SCN11A: variants seen among roughly 807,000 people sequenced by gnomAD.
The protein encoded by SCN11A is sodium channel protein type 11 subunit alpha.
In SCN11A, 122 loss-of-function variants were observed where a neutral mutation model predicts 162.2. That is an observed-to-expected ratio of 0.75 (90% CI 0.65 to 0.87). SCN11A has a LOEUF of 0.87. Among genes scored for constraint, SCN11A ranks in the 40% least tolerant of loss-of-function variants. SCN11A has a pLI of 0.00. For synonymous variants in SCN11A, 758 were observed against 751.5 expected, an observed-to-expected ratio of 1.01 and a Z score of -0.14; for missense variants, 2,015 against 2,181.6, an observed-to-expected ratio of 0.92 and a Z score of 1.52.
At chr3:38,920,034 TA>T in intron 10 of SCN11A, 33 bp from the exon 11 acceptor site, 14 of 1,510,936 alleles carry the variant, frequency 9.3e-6, no homozygotes, top group Non-Finnish European at 1.2e-5. Context: ...ATTCAGATTT[TA>T]AAAAAAACAT....
chr3:38,916,351 T>A (rs1212471403), intron 11 of SCN11A, among the ~76,000 whole-genome samples: 1 of 152,170 alleles, frequency 6.6e-6, no homozygotes, highest in Non-Finnish European at 1.5e-5. Context: ...CTCCTAAACG[T>A]CTCTGGAATG....
intron 2 of SCN11A, among the ~76,000 whole-genome samples, 133 bp downstream of exon 2, chr3:39,032,247 T>A (rs987048788): frequency 1.2e-4 from 19 of 152,346 alleles, no homozygotes; most frequent in African/African-American, 4.6e-4. Flanking sequence ...CTTTAAAATA[T>A]CCAAATTAAC....
intron 24 of SCN11A, 65 bp downstream of exon 24, chr3:38,872,128 G>C (rs1211090771): frequency 1.0e-6 from 1 of 975,262 alleles, no homozygotes; most frequent in Non-Finnish European, 1.6e-6. Context: ...AGCCCAAAAA[G>C]AACTGTTGGT....
At chr3:38,951,353 A>C (rs910313412) in intron 4 of SCN11A, among the ~76,000 whole-genome samples, 3 of 152,176 alleles carry the variant, frequency 2.0e-5, no homozygotes, top group East Asian at 3.9e-4. Context: ...CTGGCGCTGC[A>C]CTCGATTTCT....
chr3:38,974,422 G>T (rs543275216), intron 2 of SCN11A, among the ~76,000 whole-genome samples: 1 of 152,132 alleles, frequency 6.6e-6, no homozygotes, highest in East Asian at 1.9e-4. Context: ...AAGGCCGGGC[G>T]CAGTGGCTCA....
intron 5 of SCN11A, among the ~76,000 whole-genome samples, chr3:38,949,462 C>A (rs1472562007): frequency 6.6e-6 from 1 of 152,216 alleles, no homozygotes. Flanking sequence ...CACTTGGTTA[C>A]CATTTTCTTA....
intron 2 of SCN11A, among the ~76,000 whole-genome samples, chr3:39,026,858 C>T (rs1218112365): frequency 6.6e-6 from 1 of 152,162 alleles, no homozygotes; most frequent in Non-Finnish European, 1.5e-5. Flanking sequence ...GACACTAACT[C>T]AGCAGGATTC....
chr3:38,961,736 T>G (rs192343225), intron 2 of SCN11A, among the ~76,000 whole-genome samples: 71 of 152,148 alleles, frequency 4.7e-4, no homozygotes, highest in Non-Finnish European at 8.8e-4. Flanking sequence ...ATTGTTTGGG[T>G]TTTTTTTGTT....
Position 38,850,543 on chromosome 3 carries a change from T to C in SCN11A, c.4265A>G (p.Gln1422Arg), listed in dbSNP as rs1369529611. ...ATTCCAGCCATTGGTGAAGTAGTAT[T>C]GCCTCAAAGCAAAGATTTTGATGAG... is the stretch of plus-strand genomic sequence containing the variant. Reference protein sequence around the residue: ...ECLIKIFALRQYYFTNGWNLF... With the variant: ...ECLIKIFALRRYYFTNGWNLF... The change falls in exon 29 of 30, where the codon CAA becomes CGA. Residue 1422 changes from glutamine (Q) to arginine (R), a missense_variant. Transcript: ENST00000302328. 6.2e-7 allele frequency: 1 copy of C among 1,613,944 alleles called. No homozygotes were observed. Among genetic ancestry groups the C allele is most frequent in the Non-Finnish European group, 8.5e-7 (1 of 1,179,848 alleles).
intron 7 of SCN11A, among the ~76,000 whole-genome samples, chr3:38,929,055 G>A (rs989883662): frequency 2.0e-5 from 3 of 151,470 alleles, no homozygotes; most frequent in African/African-American, 4.9e-5. Flanking sequence ...TGCCAGATAA[G>A]TAGACAATCT....
chr3:38,882,346 C>A (rs931874370), intron 22 of SCN11A, among the ~76,000 whole-genome samples: 2 of 152,136 alleles, frequency 1.3e-5, no homozygotes, highest in East Asian at 1.9e-4. Flanking sequence ...GTGAAATGTT[C>A]TGTCACTCTT....
intron 19 of SCN11A, among the ~76,000 whole-genome samples, chr3:38,891,172 A>G (rs2065493578): frequency 6.6e-6 from 1 of 152,170 alleles, no homozygotes; most frequent in African/African-American, 2.4e-5. Context: ...AAAAGATACT[A>G]TGACCATATA....
chr3:39,002,731 A>C (rs771925502), intron 2 of SCN11A, among the ~76,000 whole-genome samples: 2 of 152,216 alleles, frequency 1.3e-5, no homozygotes, highest in Non-Finnish European at 2.9e-5. Flanking sequence ...TAGAAGTCAT[A>C]GTATGTTGGT....
At chr3:39,036,672 T>C (rs1212268312) in intron 1 of SCN11A, among the ~76,000 whole-genome samples, 1 of 151,938 alleles carries the variant, frequency 6.6e-6, no homozygotes, top group Admixed American at 6.6e-5. Context: ...AATCTAATAA[T>C]CCAATTAAAA....
chr3:39,023,721 C>A (rs1371241202), intron 2 of SCN11A, among the ~76,000 whole-genome samples: 1 of 151,756 alleles, frequency 6.6e-6, no homozygotes, highest in Non-Finnish European at 1.5e-5. Context: ...CGGCTCACTG[C>A]AACCTCTGCC....
At chr3:38,879,176 T>C (rs1259328802) in intron 23 of SCN11A, among the ~76,000 whole-genome samples, 1 of 152,190 alleles carries the variant, frequency 6.6e-6, no homozygotes, top group African/African-American at 2.4e-5. Context: ...ACATGTTTCT[T>C]AGCCTCTCTA....
intron 2 of SCN11A, among the ~76,000 whole-genome samples, chr3:38,969,602 G>A (rs1032742367): frequency 3.3e-5 from 5 of 152,186 alleles, no homozygotes; most frequent in Non-Finnish European, 7.4e-5. Flanking sequence ...AAGAGTCAAG[G>A]GAGGATTGCC....
chr3:39,030,738 ACAAAG>A (rs1248623268), intron 2 of SCN11A, among the ~76,000 whole-genome samples: 12 of 152,286 alleles, frequency 7.9e-5, no homozygotes, highest in Middle Eastern at 3.4e-3. Flanking sequence ...ACACACACAC[ACAAAG>A]CACATTTGTG....
At chr3:38,895,572 C>T (rs1421582711) in intron 18 of SCN11A, among the ~76,000 whole-genome samples, 2 of 152,206 alleles carry the variant, frequency 1.3e-5, no homozygotes, top group African/African-American at 2.4e-5. Flanking sequence ...ATTACACACT[C>T]TCTAATTCAT....
Sources: allele counts gnomAD v4.1 joint callset (sites outside exome capture counted in the v4.1 genomes callset), GRCh38; gene constraint gnomAD v4.1.1; transcripts MANE v1.5; gene names NCBI Gene and HGNC (gene_info 2026-07-23, HGNC 2026-07-21).